PCCA: variants seen among roughly 807,000 people sequenced by gnomAD.
PCCA encodes the protein propionyl-CoA carboxylase alpha chain, mitochondrial.
PCCA carries 74 observed loss-of-function variants against 101.3 expected under a neutral mutation model. The observed-to-expected ratio is 0.73, with a 90% CI of 0.61 to 0.89. The LOEUF is 0.89. Ranked by LOEUF, PCCA falls within the 40% of genes least tolerant of loss-of-function variation. PCCA has a pLI of 0.00. For synonymous variants in PCCA, 294 were observed against 313.6 expected (o/e 0.94, Z 0.66); for missense variants, 891 against 907.0 (o/e 0.98, Z 0.23).
At chr13:100,359,771 C>T (rs2152798539) in intron 18 of PCCA, among the ~76,000 whole-genome samples, 1 of 152,256 alleles carries the variant, frequency 6.6e-6, no homozygotes, top group Non-Finnish European at 1.5e-5. Context: ...TTCATGACTA[C>T]CACACTTTAT....
At chr13:100,128,434 A>C (rs1457502002) in intron 4 of PCCA, among the ~76,000 whole-genome samples, 2 of 152,190 alleles carry the variant, frequency 1.3e-5, no homozygotes, top group African/African-American at 4.8e-5. Flanking sequence ...TAGAGAAATA[A>C]AACATAAATA....
At chr13:100,208,816 T>C (rs1249847304) in intron 6 of PCCA, among the ~76,000 whole-genome samples, 3 of 152,224 alleles carry the variant, frequency 2.0e-5, no homozygotes, top group Non-Finnish European at 4.4e-5. Context: ...CTTTTGTCTA[T>C]TTCTCTGAGG....
intron 21 of PCCA, among the ~76,000 whole-genome samples, chr13:100,463,737 G>C (rs973456593): frequency 1.3e-5 from 2 of 152,158 alleles, no homozygotes; most frequent in Non-Finnish European, 2.9e-5. Context: ...GCAAAGCAGA[G>C]GCCAGGCCCA....
At chr13:100,482,358 A>G (rs2084009098) in intron 21 of PCCA, among the ~76,000 whole-genome samples, 1 of 152,160 alleles carries the variant, frequency 6.6e-6, no homozygotes, top group Admixed American at 6.5e-5. Context: ...AGAAGGGGCC[A>G]ATAGAGAGGG....
chr13:100,132,968 A>G (rs2050702128), intron 4 of PCCA, among the ~76,000 whole-genome samples: 2 of 152,056 alleles, frequency 1.3e-5, no homozygotes, highest in African/African-American at 4.8e-5. Context: ...TTTACTAGAG[A>G]CGGGGTTTCA....
chr13:100,515,388 T>G lies in PCCA; in HGVS notation c.1900-39T>G, dbSNP rs765791163. Reference sequence around the variant, plus strand: ...ATGCTACTTTTGAGGAAAATTTCATTTAAACTCATTTATGGTTTGGTTTTG... The same window carrying G: ...ATGCTACTTTTGAGGAAAATTTCATGTAAACTCATTTATGGTTTGGTTTTG... On this transcript the variant is annotated intron_variant, in intron 21 of 23. Coordinates refer to ENST00000376285, the MANE Select transcript of PCCA (RefSeq NM_000282.4). 3.1e-6 allele frequency: 5 copies of G among 1,599,970 alleles called. No individual in the cohort carries two copies. The South Asian group carries it at 5.5e-5, about 18-fold the overall frequency.
intron 19 of PCCA, among the ~76,000 whole-genome samples, chr13:100,421,122 G>A (rs1293748968): frequency 1.3e-5 from 2 of 152,040 alleles, no homozygotes; most frequent in Admixed American, 6.6e-5. Flanking sequence ...CAGGAGAATC[G>A]CTTGAACCCG....
At chr13:100,468,944 G>A (rs1297231178) in intron 21 of PCCA, among the ~76,000 whole-genome samples, 2 of 152,034 alleles carry the variant, frequency 1.3e-5, no homozygotes, top group Non-Finnish European at 2.9e-5. Flanking sequence ...GGGCGCGGTG[G>A]TTCATGCCTG....
intron 7 of PCCA, among the ~76,000 whole-genome samples, chr13:100,232,388 GT>G (rs1566760206): frequency 2.7e-5 from 4 of 150,796 alleles, no homozygotes; most frequent in South Asian, 2.1e-4. Context: ...GTGTGTGTGT[GT>G]GTGGTTTTAG....
chr13:100,391,162 C>T (rs1053382275), intron 19 of PCCA, among the ~76,000 whole-genome samples: 2 of 152,054 alleles, frequency 1.3e-5, no homozygotes, highest in African/African-American at 4.8e-5. Context: ...GGACTACAGG[C>T]GCACGCCACC....
intron 19 of PCCA, among the ~76,000 whole-genome samples, chr13:100,397,558 G>A (rs1045708964): frequency 2.6e-5 from 4 of 151,864 alleles, no homozygotes; most frequent in African/African-American, 7.3e-5. Flanking sequence ...TTGATTCAGT[G>A]TTTTTTTTGA....
intron 21 of PCCA, 60 bp from the exon 22 acceptor site, chr13:100,515,367 T>C: frequency 6.7e-7 from 1 of 1,497,358 alleles, no homozygotes; most frequent in Non-Finnish European, 9.3e-7. Flanking sequence ...GAATGAATGC[T>C]ACTTTTGAGG....
intron 17 of PCCA, among the ~76,000 whole-genome samples, chr13:100,336,514 G>A (rs2070474542): frequency 6.6e-6 from 1 of 152,126 alleles, no homozygotes; most frequent in Non-Finnish European, 1.5e-5. Context: ...AATGAACAAG[G>A]AGAGGAGATA....
At chr13:100,324,615 G>A (rs1168343419) in intron 16 of PCCA, among the ~76,000 whole-genome samples, 1 of 152,062 alleles carries the variant, frequency 6.6e-6, no homozygotes, top group Non-Finnish European at 1.5e-5. Flanking sequence ...TACACAAACA[G>A]AGACCATACC....
intron 4 of PCCA, among the ~76,000 whole-genome samples, chr13:100,137,731 G>A (rs138053858): frequency 4.7e-4 from 71 of 150,790 alleles, no homozygotes; most frequent in Admixed American, 6.6e-4. Context: ...CATTATATTT[G>A]ATGTGACTCT....
chr13:100,373,108 A>G (rs1189025070), intron 19 of PCCA, among the ~76,000 whole-genome samples: 1 of 152,160 alleles, frequency 6.6e-6, no homozygotes, highest in Non-Finnish European at 1.5e-5. Flanking sequence ...ACAAAAAACA[A>G]TTAAAAATGG....
At position 100,526,262 on chromosome 13, in the gene PCCA, G is replaced by C. The variant is rs1287586546; in HGVS notation, c.2041-1413G>C. Among the ~76,000 whole-genome samples the C allele has an allele frequency of 1.3e-4, 20 of 152,358 alleles. No homozygotes were observed. In the East Asian group the frequency reaches 3.9e-3, roughly 29 times the overall value. ...CCCCCTGCAAACAGCCCTCGAGGCTGATTCTTCGCTCTCCCTGGAATGCAG... is the reference window on the plus strand; with the variant it reads ...CCCCCTGCAAACAGCCCTCGAGGCTCATTCTTCGCTCTCCCTGGAATGCAG... On this transcript the variant is annotated intron_variant, in intron 22 of 23. Transcript: ENST00000376285.
intron 16 of PCCA, among the ~76,000 whole-genome samples, chr13:100,324,510 A>G (rs181157614): frequency 6.6e-6 from 1 of 152,328 alleles, no homozygotes; most frequent in East Asian, 1.9e-4. Flanking sequence ...GTATGTCATG[A>G]ATACATAAAA....
intron 4 of PCCA, among the ~76,000 whole-genome samples, chr13:100,116,697 T>A (rs2048831382): frequency 6.6e-6 from 1 of 152,198 alleles, no homozygotes; most frequent in African/African-American, 2.4e-5. Flanking sequence ...TTTTGATTTT[T>A]TTTGGGTAAA....
Sources: allele counts gnomAD v4.1 joint callset (sites outside exome capture counted in the v4.1 genomes callset), GRCh38; gene constraint gnomAD v4.1.1; transcripts MANE v1.5; gene names NCBI Gene and HGNC (gene_info 2026-07-23, HGNC 2026-07-21).